FAM168A: variants seen among roughly 807,000 people sequenced by gnomAD.
FAM168A encodes protein FAM168A.
Under a neutral mutation model 28.5 loss-of-function variants are expected in FAM168A, and 3 were observed. That is an observed-to-expected ratio of 0.11 (90% confidence interval 0.05 to 0.27). The LOEUF (loss-of-function observed/expected upper bound fraction) is 0.27, where lower values mean the gene tolerates loss of function less well. FAM168A is among the 10% of genes least tolerant of loss of function. The probability of loss-of-function intolerance (pLI) is 1.00; values close to 1 mark genes in which losing one functional copy is unlikely to be tolerated. For missense variants in FAM168A, 222 were observed against 311.5 expected (o/e 0.71, Z 2.16); for synonymous variants, 122 against 124.2 (o/e 0.98, Z 0.12).
intron 4 of FAM168A, among the ~76,000 whole-genome samples, chr11:73,411,740 A>G (rs975903546): frequency 3.3e-5 from 5 of 152,112 alleles, no homozygotes; most frequent in Non-Finnish European, 5.9e-5. Flanking sequence ...ACAGGGCTGC[A>G]TGGATGATTC....
intron 2 of FAM168A, among the ~76,000 whole-genome samples, chr11:73,462,414 G>A (rs1397685640): frequency 6.6e-6 from 1 of 152,186 alleles, no homozygotes; most frequent in Non-Finnish European, 1.5e-5. Context: ...AAGATAATAA[G>A]TAGGTTGGTG....
intron 1 of FAM168A, among the ~76,000 whole-genome samples, chr11:73,471,944 G>A (rs1261271491): frequency 1.3e-5 from 2 of 152,126 alleles, no homozygotes; most frequent in African/African-American, 2.4e-5. Context: ...AGCATAGCAG[G>A]AGGTGAGCAG....
At chr11:73,534,335 A>G (rs1192519679) in intron 1 of FAM168A, among the ~76,000 whole-genome samples, 11 of 152,222 alleles carry the variant, frequency 7.2e-5, no homozygotes, top group Admixed American at 7.2e-4. Context: ...TTTTACCTGT[A>G]GAAGCCACAC....
intron 1 of FAM168A, among the ~76,000 whole-genome samples, chr11:73,496,901 A>G (rs999226622): frequency 7.4e-5 from 11 of 149,302 alleles, no homozygotes; most frequent in Non-Finnish European, 1.5e-4. Context: ...ACACACACAC[A>G]CACACGCACA....
chr11:73,412,250 G>GA (rs1866625622), intron 4 of FAM168A: 1 of 152,200 alleles, frequency 6.6e-6, no homozygotes, highest in Non-Finnish European at 1.5e-5. Context: ...CTGCAGAGTT[G>GA]GCTCCTCCTT....
intron 1 of FAM168A, among the ~76,000 whole-genome samples, chr11:73,579,910 G>A (rs1400872880): frequency 6.6e-6 from 1 of 152,152 alleles, no homozygotes; most frequent in East Asian, 1.9e-4. Context: ...TAATTTTTCA[G>A]ATACCATTCA....
intron 3 of FAM168A, among the ~76,000 whole-genome samples, chr11:73,423,247 A>C (rs1400768663): frequency 6.6e-6 from 1 of 152,140 alleles, no homozygotes; most frequent in African/African-American, 2.4e-5. Context: ...ATCGTCTCTC[A>C]TCTGAACTAC....
chr11:73,434,679 A>C (rs1867058371), intron 2 of FAM168A, among the ~76,000 whole-genome samples: 1 of 152,222 alleles, frequency 6.6e-6, no homozygotes, highest in Admixed American at 6.5e-5. Context: ...CACTGTGAGG[A>C]CTTAGACTTC....
In FAM168A at chr11:73,553,441, T is replaced by C. The variant is rs577719544; in HGVS notation, c.-19+44482A>G. On this transcript the variant is annotated intron_variant, in intron 1 of 7. Transcript: ENST00000356467. ...GACCTGATTTCATCTGGCCTGAGCA[T>C]AGAGAAAGCAATTAAGTCTGACTAA... Among the ~76,000 whole-genome samples the C allele has an allele frequency of 7.2e-5, 11 of 152,182 alleles. No individual in the cohort carries two copies. In the South Asian group the frequency reaches 1.5e-3, roughly 20 times the overall value.
chr11:73,553,455 A>C (rs1943851735), intron 1 of FAM168A, among the ~76,000 whole-genome samples: 1 of 152,158 alleles, frequency 6.6e-6, no homozygotes, highest in South Asian at 2.1e-4. Flanking sequence ...GAAAGCAATT[A>C]AGTCTGACTA....
At chr11:73,514,382 A>G (rs1380804434) in intron 1 of FAM168A, among the ~76,000 whole-genome samples, 2 of 152,354 alleles carry the variant, frequency 1.3e-5, no homozygotes, top group East Asian at 3.9e-4. Context: ...AGAAATTCTA[A>G]TTGAATTTCT....
intron 1 of FAM168A, among the ~76,000 whole-genome samples, chr11:73,586,546 A>T (rs1392174310): frequency 6.6e-6 from 1 of 152,236 alleles, no homozygotes; most frequent in African/African-American, 2.4e-5. Context: ...TACACAATGA[A>T]TGTTAATTTC....
intron 1 of FAM168A, among the ~76,000 whole-genome samples, chr11:73,475,985 T>C (rs966846050): frequency 1.3e-5 from 2 of 152,184 alleles, no homozygotes; most frequent in African/African-American, 4.8e-5. Flanking sequence ...GCAACAGACC[T>C]GCAGATAAGC....
At chr11:73,559,565 A>T (rs541612872) in intron 1 of FAM168A, among the ~76,000 whole-genome samples, 6 of 152,350 alleles carry the variant, frequency 3.9e-5, no homozygotes, top group African/African-American at 9.6e-5. Flanking sequence ...TTTCTTTTAT[A>T]TAAAATATTT....
chr11:73,493,169 T>C (rs1275385560), intron 1 of FAM168A, among the ~76,000 whole-genome samples: 2 of 144,230 alleles, frequency 1.4e-5, no homozygotes, highest in Admixed American at 1.4e-4. Flanking sequence ...AAACCTAAAA[T>C]GAAAGTAGGA....
intron 1 of FAM168A, among the ~76,000 whole-genome samples, chr11:73,534,889 A>T (rs1943558230): frequency 6.6e-6 from 1 of 152,186 alleles, no homozygotes; most frequent in Non-Finnish European, 1.5e-5. Context: ...GGCACAGTTG[A>T]GGGCAGGGTT....
chr11:73,419,061 T>C (rs1005960348), intron 4 of FAM168A, among the ~76,000 whole-genome samples: 3 of 152,126 alleles, frequency 2.0e-5, no homozygotes, highest in Admixed American at 6.5e-5. Flanking sequence ...CCGCCCACCT[T>C]GGCCTCCCAA....
intron 1 of FAM168A, among the ~76,000 whole-genome samples, chr11:73,557,963 A>G (rs568839846): frequency 6.6e-6 from 1 of 152,286 alleles, no homozygotes; most frequent in Non-Finnish European, 1.5e-5. Flanking sequence ...GGACAACTGA[A>G]TATCTACAGG....
intron 2 of FAM168A, among the ~76,000 whole-genome samples, chr11:73,434,439 GTAT>G (rs1867054007): frequency 1.3e-5 from 2 of 152,186 alleles, no homozygotes; most frequent in Non-Finnish European, 2.9e-5. Context: ...TATTGAGAAG[GTAT>G]TATTTTTGCA....
Sources: allele counts gnomAD v4.1 joint callset (sites outside exome capture counted in the v4.1 genomes callset), GRCh38; gene constraint gnomAD v4.1.1; transcripts MANE v1.5; gene names NCBI Gene and HGNC (gene_info 2026-07-23, HGNC 2026-07-21).